Variants in GALNT2 observed in about 807,000 individuals in gnomAD.
GALNT2 encodes the protein UDP-GalNAc:polypeptide N-acetylgalactosaminyltransferase 2.
A neutral mutation model predicts 81.4 loss-of-function variants in GALNT2; 31 were observed. That is an observed-to-expected ratio of 0.38 (90% CI 0.29 to 0.51). The LOEUF (loss-of-function observed/expected upper bound fraction) is 0.51. Among genes scored for constraint, GALNT2 ranks in the 20% least tolerant of loss-of-function variants. The pLI is 0.87. For missense variants in GALNT2, 629 were observed against 765.7 expected (o/e 0.82, Z 2.11); for synonymous variants, 303 against 287.4 (o/e 1.05, Z -0.55).
chr1:230,134,027 GGTAA>G (rs1324867380), intron 1 of GALNT2, among the ~76,000 whole-genome samples: 1 of 151,770 alleles, frequency 6.6e-6, no homozygotes, highest in South Asian at 2.1e-4. Flanking sequence ...CCAGAGATCA[GGTAA>G]GTAATACTTA....
At chr1:230,259,412 G>A (rs900230379) in intron 11 of GALNT2, 4 of 152,324 alleles carry the variant, frequency 2.6e-5, no homozygotes, top group African/African-American at 9.6e-5. Context: ...CCATCAGAAA[G>A]CAAAGGCGTC....
At chr1:230,161,100 AC>A in intron 1 of GALNT2, among the ~76,000 whole-genome samples, 1 of 152,304 alleles carries the variant, frequency 6.6e-6, no homozygotes, top group African/African-American at 2.4e-5. Context: ...GAATGGCCTA[AC>A]CCAGGAATGA....
chr1:230,058,824 A>C (rs146482418), intron 1 of GALNT2, among the ~76,000 whole-genome samples: 66 of 152,306 alleles, frequency 4.3e-4, no homozygotes, highest in African/African-American at 1.5e-3. Flanking sequence ...AGTGTCACTA[A>C]GAGCTGCTCA....
intron 1 of GALNT2, among the ~76,000 whole-genome samples, chr1:230,069,489 A>G (rs907708291): frequency 7.2e-5 from 11 of 152,146 alleles, no homozygotes; most frequent in African/African-American, 1.9e-4. Flanking sequence ...TGTAAATGCA[A>G]TAGCTTTTGA....
At chr1:230,236,502 C>T (rs1018546500) in intron 5 of GALNT2, 82 bp downstream of exon 5, 22 of 1,463,620 alleles carry the variant, frequency 1.5e-5, no homozygotes, top group South Asian at 4.6e-5. Context: ...GCTAATGAGG[C>T]GTGAACAAGC....
intron 2 of GALNT2, among the ~76,000 whole-genome samples, chr1:230,198,320 C>T (rs1663771472): frequency 6.6e-6 from 1 of 151,704 alleles, no homozygotes; most frequent in Non-Finnish European, 1.5e-5. Context: ...GCGGGCAGGA[C>T]AGCAGCCCAG....
Position 230,280,506 on chromosome 1 carries a change from G to A in GALNT2, c.*1048G>A, listed in dbSNP as rs1237662891. 6.2e-6 allele frequency: 1 copy of A among 160,674 alleles called. No homozygotes were observed. The highest frequency in any genetic ancestry group is 3.0e-3 in the Middle Eastern group (1 of 328). The allele number at this position is 160,674 out of a possible 1,614,324, so 10.0% of individuals were successfully genotyped here. A position where few individuals can be genotyped will look rare whatever the true frequency, so the allele number is the denominator to read the frequency against. On this transcript the variant is annotated 3_prime_UTR_variant, in exon 16 of 16. Transcript: ENST00000366672. Reference sequence around the variant, plus strand: ...GCAATACCGCTGCCCCCTGGCGACAGGGCAGACCAATGATGCCAGGCAGCT... The same window carrying A: ...GCAATACCGCTGCCCCCTGGCGACAAGGCAGACCAATGATGCCAGGCAGCT...
chr1:230,195,887 T>C (rs996035412), intron 2 of GALNT2, among the ~76,000 whole-genome samples: 1 of 151,974 alleles, frequency 6.6e-6, no homozygotes, highest in African/African-American at 2.4e-5. Context: ...GGAGGTGACA[T>C]GGCATTTGGC....
At chr1:230,102,848 A>T (rs976816792) in intron 1 of GALNT2, among the ~76,000 whole-genome samples, 1 of 152,128 alleles carries the variant, frequency 6.6e-6, no homozygotes, top group Admixed American at 6.5e-5. Context: ...CAGGGCAAGG[A>T]TGGAGGACTT....
At chr1:230,063,321 A>T (rs1479458835), upstream of GALNT2, among the ~76,000 whole-genome samples, 2 of 152,112 alleles carry the variant, frequency 1.3e-5, no homozygotes, top group East Asian at 3.9e-4. Context: ...AAAAAAAAAA[A>T]AAAATTTTAT....
intron 1 of GALNT2, among the ~76,000 whole-genome samples, chr1:230,081,186 T>A (rs576580102): frequency 6.6e-6 from 1 of 152,262 alleles, no homozygotes; most frequent in Non-Finnish European, 1.5e-5. Context: ...GCCCTTTGCT[T>A]CTTCCTTGGG....
intron 1 of GALNT2, among the ~76,000 whole-genome samples, chr1:230,145,066 C>A (rs1417667454): frequency 2.0e-5 from 3 of 152,152 alleles, no homozygotes; most frequent in Admixed American, 6.5e-5. Flanking sequence ...CACTCCAGAG[C>A]TGCGTCATCT....
intron 10 of GALNT2, among the ~76,000 whole-genome samples, chr1:230,253,044 C>T (rs1665599572): frequency 6.6e-6 from 1 of 151,896 alleles, no homozygotes; most frequent in Admixed American, 6.6e-5. Context: ...GACAGGGTTT[C>T]TCCATGTTGG....
chr1:230,243,998 A>T lies in GALNT2; in HGVS notation c.729+571A>T, dbSNP rs752626279. Among the ~76,000 whole-genome samples, 3 of 151,852 alleles carry T rather than the reference A, an allele frequency of 2.0e-5. No individual in the cohort carries two copies. ...CTTCTGCACCTTCTGCTTTCTAGAA[A>T]CATCATTGCTAATATTACATTTGGC... On this transcript the variant is annotated intron_variant, in intron 7 of 15. Transcript: ENST00000366672. This position sits in a 1 kb window ranked among gnomAD's most constrained non-coding sequence, Gnocchi z 4.2.
upstream of GALNT2, among the ~76,000 whole-genome samples, chr1:230,064,655 C>A (rs1352916732): frequency 6.6e-6 from 1 of 152,154 alleles, no homozygotes; most frequent in Non-Finnish European, 1.5e-5. Context: ...CGAGTAGCTG[C>A]GATTACAGGC....
intron 1 of GALNT2, among the ~76,000 whole-genome samples, chr1:230,169,592 A>AT (rs1183615297): frequency 2.0e-5 from 3 of 152,242 alleles, no homozygotes; most frequent in Admixed American, 6.5e-5. Flanking sequence ...AATGTGCAGG[A>AT]TGATTCACCA....
chr1:230,268,140 C>T (rs1157775351), intron 14 of GALNT2, among the ~76,000 whole-genome samples: 1 of 152,148 alleles, frequency 6.6e-6, no homozygotes, highest in Non-Finnish European at 1.5e-5. Context: ...AAAAGTGGAG[C>T]TCTGTGAGGG....
At chr1:230,168,535 C>T (rs1256949478) in intron 1 of GALNT2, among the ~76,000 whole-genome samples, 4 of 152,100 alleles carry the variant, frequency 2.6e-5, no homozygotes, top group Admixed American at 6.5e-5. Context: ...TTTTCTTGAA[C>T]GAAGAGGGAG....
intron 1 of GALNT2, among the ~76,000 whole-genome samples, chr1:230,131,210 T>A (rs1309771410): frequency 1.3e-5 from 2 of 151,782 alleles, no homozygotes; most frequent in East Asian, 3.9e-4. Flanking sequence ...TAATAAATGC[T>A]GTCTGCAGCA....
Sources: gnomAD v4.1 joint callset for allele counts (sites outside exome capture counted in the v4.1 genomes callset) on GRCh38, gnomAD v4.1.1 for gene constraint, Gnocchi (gnomAD v3.1) non-coding constraint, MANE v1.5 for transcripts, NCBI Gene and HGNC (gene_info 2026-07-23, HGNC 2026-07-21) for gene names.